TEAD1: variants seen among roughly 807,000 people sequenced by gnomAD.
The protein encoded by TEAD1 is transcriptional enhancer factor TEF-1.
TEAD1 carries 9 observed loss-of-function variants against 54.9 expected under a neutral mutation model. The observed-to-expected ratio is 0.16, with a 90% CI of 0.10 to 0.29. TEAD1 has a LOEUF of 0.29. TEAD1 is among the 10% of genes least tolerant of loss of function. TEAD1 has a pLI of 1.00. For missense variants in TEAD1, 387 were observed against 535.9 expected (o/e 0.72, Z 2.74); for synonymous variants, 200 against 187.8 (o/e 1.07, Z -0.53).
At chr11:12,851,372 C>CG (rs1947270181) in intron 3 of TEAD1, among the ~76,000 whole-genome samples, 1 of 142,360 alleles carries the variant, frequency 7.0e-6, no homozygotes, top group East Asian at 1.9e-4. Context: ...TAACTATTGT[C>CG]GTCACACACA....
chr11:12,866,230 A>C (rs923547653), intron 5 of TEAD1, among the ~76,000 whole-genome samples: 45 of 152,340 alleles, frequency 3.0e-4, no homozygotes, highest in African/African-American at 9.4e-4. Context: ...TTTTTGCTCA[A>C]GTTCTGACTC....
chr11:12,858,948 T>G (rs949939634), intron 3 of TEAD1, among the ~76,000 whole-genome samples: 1 of 152,208 alleles, frequency 6.6e-6, no homozygotes, highest in Non-Finnish European at 1.5e-5. Context: ...TACTGAATAC[T>G]GTAGGCCATT....
chr11:12,842,129 T>C (rs1025270062), intron 3 of TEAD1, among the ~76,000 whole-genome samples: 1 of 152,310 alleles, frequency 6.6e-6, no homozygotes. Context: ...TATAATGATA[T>C]ATAGCTTGTC....
chr11:12,736,954 A>G (rs990854427), intron 2 of TEAD1, among the ~76,000 whole-genome samples: 5 of 152,180 alleles, frequency 3.3e-5, no homozygotes, highest in Non-Finnish European at 7.4e-5. Flanking sequence ...ATTTGTATCT[A>G]TATGTATGTA....
intron 5 of TEAD1, among the ~76,000 whole-genome samples, chr11:12,870,761 C>A (rs1028083549): frequency 6.6e-6 from 1 of 152,072 alleles, no homozygotes; most frequent in Admixed American, 6.5e-5. Flanking sequence ...CAGTGTGCAC[C>A]GGCAGTTATA....
At chr11:12,743,891 G>A (rs996132129) in intron 2 of TEAD1, among the ~76,000 whole-genome samples, 5 of 152,200 alleles carry the variant, frequency 3.3e-5, no homozygotes, top group Non-Finnish European at 5.9e-5. Flanking sequence ...GGGACACTAC[G>A]AAGGGGACAG....
chr11:12,881,916 A>G lies in TEAD1; in HGVS notation c.533A>G (p.Gln178Arg). The change falls in exon 8 of 13, where the codon CAG becomes CGG. Residue 178 changes from glutamine (Q) to arginine (R), a missense_variant. By Grantham distance (43) the Gln-to-Arg change is conservative. Coordinates refer to ENST00000527636, the MANE Select transcript of TEAD1 (RefSeq NM_021961.6). ...CCCAGCGTCAAGCCTTTTGTGCAGC[A>G]GGCCTACCCCATCCAGCCAGCGGTC... The G allele has an allele frequency of 1.2e-6, 2 of 1,614,194 alleles. No homozygotes were observed. The highest frequency in any genetic ancestry group is 1.1e-5 in the South Asian group (1 of 91,078).
chr11:12,911,014 T>C (rs1337923978), intron 10 of TEAD1, among the ~76,000 whole-genome samples: 1 of 152,204 alleles, frequency 6.6e-6, no homozygotes. Flanking sequence ...CCCAAAGTGC[T>C]GGGATTACAG....
chr11:12,831,595 T>G (rs75924343), intron 3 of TEAD1, among the ~76,000 whole-genome samples: 1 of 152,128 alleles, frequency 6.6e-6, no homozygotes, highest in Non-Finnish European at 1.5e-5. Flanking sequence ...CTGGCTGATA[T>G]AGTGAGACCT....
At chr11:12,724,469 T>C (rs897236489) in intron 2 of TEAD1, among the ~76,000 whole-genome samples, 3 of 152,238 alleles carry the variant, frequency 2.0e-5, no homozygotes, top group Admixed American at 2.0e-4. Flanking sequence ...GCAAGAGCTT[T>C]TATCTTTATG....
chr11:12,693,549 C>T (rs371759309), intron 2 of TEAD1, among the ~76,000 whole-genome samples: 2 of 152,212 alleles, frequency 1.3e-5, no homozygotes, highest in East Asian at 3.8e-4. Flanking sequence ...CACCTGTTAT[C>T]CACTTTTGGG....
intron 3 of TEAD1, among the ~76,000 whole-genome samples, chr11:12,834,746 AC>A (rs376480379): frequency 0.69 from 103,508 of 149,860 alleles, 35,878 homozygotes; most frequent in East Asian, 0.76. Context: ...ACAGAGGTTC[AC>A]ACCTCTGTGC....
intron 10 of TEAD1, among the ~76,000 whole-genome samples, chr11:12,924,638 T>C (rs11022560): frequency 0.067 from 10,217 of 152,248 alleles, 395 homozygotes; most frequent in Middle Eastern, 0.11. Flanking sequence ...GTGGATCTTT[T>C]ATTGCAAGGG....
At chr11:12,754,744 A>G (rs1385529110) in intron 2 of TEAD1, among the ~76,000 whole-genome samples, 1 of 152,182 alleles carries the variant, frequency 6.6e-6, no homozygotes, top group African/African-American at 2.4e-5. Context: ...TGGCCTTCGC[A>G]GTTTAGCTCT....
rs1204839443 is a variant in TEAD1 at position 12,942,953 on chromosome 11, GA to G, written c.*5735del. ...GCTGATAGAGGTAAGGAAGACGAGT[GA>G]AAAGGACAAGAAGGCCAAACACCAG... On this transcript the variant is annotated 3_prime_UTR_variant, in exon 13 of 13. Coordinates refer to ENST00000527636, the MANE Select transcript of TEAD1 (RefSeq NM_021961.6). 1 of 152,172 alleles carries G rather than the reference GA, an allele frequency of 6.6e-6. No individual in the cohort carries two copies. The highest frequency in any genetic ancestry group is 2.4e-5 in the African/African-American group (1 of 41,434). 9.4% of individuals were successfully genotyped at this position (152,172 alleles called of 1,614,324 possible).
intron 2 of TEAD1, among the ~76,000 whole-genome samples, chr11:12,707,146 T>C (rs531579630): frequency 1.6e-5 from 2 of 127,726 alleles, no homozygotes; most frequent in East Asian, 2.4e-4. Flanking sequence ...TTCAGAAGCA[T>C]GATGCCAGCA....
intron 3 of TEAD1, among the ~76,000 whole-genome samples, chr11:12,770,236 T>G (rs564287904): frequency 7.2e-5 from 11 of 152,174 alleles, no homozygotes; most frequent in Middle Eastern, 3.4e-3. Context: ...GCTTAATGTG[T>G]GGGGGGTATG....
intron 2 of TEAD1, among the ~76,000 whole-genome samples, chr11:12,693,045 G>A (rs1187382710): frequency 6.6e-6 from 1 of 152,220 alleles, no homozygotes; most frequent in African/African-American, 2.4e-5. Context: ...GGGATAGTGG[G>A]GAGAACCCAA....
At chr11:12,796,195 C>G (rs959941086) in intron 3 of TEAD1, among the ~76,000 whole-genome samples, 1 of 152,104 alleles carries the variant, frequency 6.6e-6, no homozygotes, top group African/African-American at 2.4e-5. Context: ...CTTACAGATA[C>G]TAAGTGTTGG....
Sources: gnomAD v4.1 joint callset for allele counts (sites outside exome capture counted in the v4.1 genomes callset) on GRCh38, gnomAD v4.1.1 for gene constraint, MANE v1.5 for transcripts, NCBI Gene and HGNC (gene_info 2026-07-23, HGNC 2026-07-21) for gene names.